Variants in NAT1 observed in about 807,000 individuals in gnomAD.
NAT1 encodes the protein arylamine N-acetyltransferase 1.
For missense variants in NAT1, 400 were observed against 339.2 expected, an observed-to-expected ratio of 1.18 and a Z score of -1.41; for synonymous variants, 144 against 122.6, an observed-to-expected ratio of 1.17 and a Z score of -1.16.
intron 2 of NAT1, among the ~76,000 whole-genome samples, chr8:18,193,976 G>T (rs1442702606): frequency 3.9e-5 from 6 of 152,092 alleles, no homozygotes; most frequent in Admixed American, 1.3e-4. Flanking sequence ...AATATACACG[G>T]TTGCATGCAT....
chr8:18,183,327 A>G (rs988659893), intron 2 of NAT1, among the ~76,000 whole-genome samples: 1 of 152,182 alleles, frequency 6.6e-6, no homozygotes, highest in Non-Finnish European at 1.5e-5. Flanking sequence ...GGGGACAAAC[A>G]TTCAAACCAT....
At chr8:18,217,303 G>GTTGAT (rs1554476219) in intron 1 of NAT1, among the ~76,000 whole-genome samples, 3 of 151,982 alleles carry the variant, frequency 2.0e-5, no homozygotes, top group African/African-American at 7.3e-5. Flanking sequence ...CATTATCAGG[G>GTTGAT]TTAATACTCA....
At chr8:18,182,037 G>T (rs1428016039) in intron 2 of NAT1, among the ~76,000 whole-genome samples, 1 of 152,232 alleles carries the variant, frequency 6.6e-6, no homozygotes, top group Non-Finnish European at 1.5e-5. Flanking sequence ...AGCAGGAATT[G>T]TCTCTCTCCT....
intron 2 of NAT1, among the ~76,000 whole-genome samples, chr8:18,174,963 T>C (rs1272685867): frequency 1.3e-5 from 2 of 152,180 alleles, no homozygotes; most frequent in African/African-American, 2.4e-5. Flanking sequence ...AACAAGTATG[T>C]ACAACGCTGT....
intron 2 of NAT1, among the ~76,000 whole-genome samples, chr8:18,185,726 T>C (rs530467223): frequency 6.6e-6 from 1 of 152,322 alleles, no homozygotes; most frequent in South Asian, 2.1e-4. Flanking sequence ...TTGAGCTAGA[T>C]ATTTTAGATC....
At chr8:18,194,224 T>A (rs1014396085) in intron 2 of NAT1, among the ~76,000 whole-genome samples, 3 of 152,188 alleles carry the variant, frequency 2.0e-5, no homozygotes, top group African/African-American at 7.2e-5. Flanking sequence ...AACGTGATTA[T>A]TAACCAGTAG....
upstream of NAT1, among the ~76,000 whole-genome samples, chr8:18,205,776 C>G (rs898192484): frequency 3.9e-5 from 6 of 152,282 alleles, no homozygotes; most frequent in Middle Eastern, 3.4e-3. Flanking sequence ...TGCTAGAGCT[C>G]CTCGCAGGTT....
chr8:18,185,116 T>C (rs1380797224), intron 2 of NAT1, among the ~76,000 whole-genome samples: 1 of 152,042 alleles, frequency 6.6e-6, no homozygotes, highest in Non-Finnish European at 1.5e-5. Context: ...GATTGTTCTG[T>C]AATTTTTCCT....
chr8:18,177,804 C>CAGGAG (rs1476820360), intron 2 of NAT1, among the ~76,000 whole-genome samples: 2 of 152,038 alleles, frequency 1.3e-5, no homozygotes, highest in Non-Finnish European at 1.5e-5. Context: ...TATCGTTGTC[C>CAGGAG]AGGAGAATCC....
chr8:18,184,381 C>T (rs968900859), intron 2 of NAT1, among the ~76,000 whole-genome samples: 7 of 152,146 alleles, frequency 4.6e-5, no homozygotes, highest in African/African-American at 1.7e-4. Context: ...ATCCAAAACC[C>T]TTCTGCCCAC....
At chr8:18,187,965 A>ACACACACACACACACC (rs1392794012) in intron 2 of NAT1, among the ~76,000 whole-genome samples, 1 of 151,696 alleles carries the variant, frequency 6.6e-6, no homozygotes. Flanking sequence ...ACACACACAC[A>ACACACACACACACACC]CACACACACA....
At chr8:18,173,829 T>G (rs893600286) in intron 2 of NAT1, among the ~76,000 whole-genome samples, 1 of 152,206 alleles carries the variant, frequency 6.6e-6, no homozygotes, top group Non-Finnish European at 1.5e-5. Context: ...CATCAGAGAA[T>G]AGCCTTGAAA....
intron 1 of NAT1, chr8:18,216,870 T>G: frequency 6.6e-7 from 1 of 1,519,390 alleles, no homozygotes; most frequent in Admixed American, 2.0e-5. Flanking sequence ...AATTATTTCT[T>G]CAACAGACGT....
intron 2 of NAT1, chr8:18,200,889 G>C (rs886580584): frequency 6.6e-6 from 1 of 152,100 alleles, no homozygotes; most frequent in Non-Finnish European, 1.5e-5. Flanking sequence ...TTTGTAGTGA[G>C]GGTCTTCCCT....
At chr8:18,210,666 C>T (rs763218408) in intron 1 of NAT1, among the ~76,000 whole-genome samples, 14 of 152,200 alleles carry the variant, frequency 9.2e-5, no homozygotes, top group Non-Finnish European at 1.8e-4. Flanking sequence ...GCAGCAAGCT[C>T]GTAATAATTC....
chr8:18,185,663 C>T (rs1488188665), intron 2 of NAT1, among the ~76,000 whole-genome samples: 1 of 151,852 alleles, frequency 6.6e-6, no homozygotes, highest in Non-Finnish European at 1.5e-5. Context: ...TCTTTTCATT[C>T]ATTCTTCTTT....
intron 2 of NAT1, among the ~76,000 whole-genome samples, chr8:18,219,777 A>G (rs1340055713): frequency 1.3e-5 from 2 of 152,210 alleles, no homozygotes; most frequent in East Asian, 1.9e-4. Flanking sequence ...ATATTGCTCT[A>G]TCCAGGCCTC....
intron 2 of NAT1, among the ~76,000 whole-genome samples, chr8:18,185,583 T>A (rs918786572): frequency 2.0e-5 from 3 of 152,158 alleles, no homozygotes; most frequent in African/African-American, 7.2e-5. Flanking sequence ...TTATCCATAT[T>A]ACTAGTCTTT....
At chr8:18,194,471 A>G (rs1803148139) in intron 2 of NAT1, among the ~76,000 whole-genome samples, 1 of 152,170 alleles carries the variant, frequency 6.6e-6, no homozygotes, top group African/African-American at 2.4e-5. Flanking sequence ...TGTTATCTCC[A>G]TATAGAGAGT....
Sources: gnomAD v4.1 joint callset for allele counts (sites outside exome capture counted in the v4.1 genomes callset) on GRCh38, gnomAD v4.1.1 for gene constraint, MANE v1.5 for transcripts, NCBI Gene and HGNC (gene_info 2026-07-23, HGNC 2026-07-21) for gene names.